Variants in PDE11A observed in about 807,000 individuals in gnomAD.
PDE11A encodes phosphodiesterase 11A.
In PDE11A, 100 loss-of-function variants were observed where a neutral mutation model predicts 100.5. The ratio of observed to expected loss-of-function variants is 1.00; its 90% CI spans 0.85 to 1.18. The LOEUF (loss-of-function observed/expected upper bound fraction) is 1.18, where lower values mean the gene tolerates loss of function less well. Among genes scored for constraint, PDE11A ranks in the 50% most tolerant of loss-of-function variants. The probability of loss-of-function intolerance (pLI) is 0.00; values close to 1 mark genes in which losing one functional copy is unlikely to be tolerated. For missense variants in PDE11A, 1,141 were observed against 1,152.6 expected, an observed-to-expected ratio of 0.99 and a Z score of 0.15; for synonymous variants, 381 against 420.8, an observed-to-expected ratio of 0.91 and a Z score of 1.16.
intron 19 of PDE11A, among the ~76,000 whole-genome samples, chr2:177,637,638 G>T (rs2080060783): frequency 6.7e-6 from 1 of 149,856 alleles, no homozygotes. Flanking sequence ...TGTGTCTTCT[G>T]CTTGGCTTCA....
chr2:178,060,172 G>A (rs2086950259), intron 1 of PDE11A, among the ~76,000 whole-genome samples: 1 of 152,134 alleles, frequency 6.6e-6, no homozygotes, highest in African/African-American at 2.4e-5. Context: ...TCTTGGAGGA[G>A]AGCCATCTAT....
intron 5 of PDE11A, among the ~76,000 whole-genome samples, chr2:177,861,772 T>C (rs755245976): frequency 2.6e-5 from 4 of 151,924 alleles, no homozygotes; most frequent in African/African-American, 7.2e-5. Flanking sequence ...TATATATCTA[T>C]GGTCAATTGA....
At chr2:177,840,993 A>G (rs1422507443) in intron 5 of PDE11A, among the ~76,000 whole-genome samples, 1 of 152,224 alleles carries the variant, frequency 6.6e-6, no homozygotes, top group Non-Finnish European at 1.5e-5. Flanking sequence ...ACAATAGCCC[A>G]TATACCACTT....
At chr2:177,894,156 G>A (rs569281206) in intron 4 of PDE11A, among the ~76,000 whole-genome samples, 1 of 152,228 alleles carries the variant, frequency 6.6e-6, no homozygotes, top group African/African-American at 2.4e-5. Flanking sequence ...AATTTCTACT[G>A]TACAACTTGG....
At position 177,628,880 on chromosome 2, in the gene PDE11A, T is replaced by C. The variant is rs2079874328; in HGVS notation, c.*527A>G. ...AGTTTACCTTTTAGGTAGGCAATTC[T>C]AAAGGATCCATCAATAAGAAGCTCT... On this transcript the variant is annotated 3_prime_UTR_variant, in exon 20 of 20. Coordinates refer to ENST00000286063, the MANE Select transcript of PDE11A (RefSeq NM_016953.4). 5.6e-6 allele frequency: 1 copy of C among 177,852 alleles called. No individual in the cohort carries two copies. The allele number at this position is 177,852 out of a possible 1,614,324, so 11.0% of individuals were successfully genotyped here.
At chr2:177,926,692 G>A (rs1430985326) in intron 2 of PDE11A, among the ~76,000 whole-genome samples, 1 of 152,128 alleles carries the variant, frequency 6.6e-6, no homozygotes, top group Non-Finnish European at 1.5e-5. Flanking sequence ...TATTGATTTT[G>A]CTTAAGTCCA....
intron 2 of PDE11A, among the ~76,000 whole-genome samples, chr2:178,089,814 G>A (rs191480477): frequency 5.3e-5 from 8 of 152,260 alleles, no homozygotes; most frequent in Admixed American, 4.6e-4. Context: ...AAGCCTGTGA[G>A]GGTAAACTGG....
At chr2:178,107,880 C>A (rs984663390) in intron 1 of PDE11A, among the ~76,000 whole-genome samples, 1 of 151,964 alleles carries the variant, frequency 6.6e-6, no homozygotes, top group Non-Finnish European at 1.5e-5. Context: ...CACCACTATG[C>A]CTGGATAATT....
At chr2:177,799,420 T>C (rs1001783109) in intron 9 of PDE11A, among the ~76,000 whole-genome samples, 1 of 152,190 alleles carries the variant, frequency 6.6e-6, no homozygotes, top group Non-Finnish European at 1.5e-5. Context: ...CTCTGTACTA[T>C]CTTCCCAATT....
At chr2:178,091,037 T>G (rs2087416336) in intron 2 of PDE11A, among the ~76,000 whole-genome samples, 1 of 152,176 alleles carries the variant, frequency 6.6e-6, no homozygotes, top group Admixed American at 6.6e-5. Flanking sequence ...TGTTAGGACA[T>G]CTTCATAGAA....
At chr2:178,099,081 T>C (rs1465964518) in intron 2 of PDE11A, among the ~76,000 whole-genome samples, 1 of 152,228 alleles carries the variant, frequency 6.6e-6, no homozygotes, top group Non-Finnish European at 1.5e-5. Flanking sequence ...CAATGCACTA[T>C]AAAGACATTA....
intron 15 of PDE11A, 91 bp downstream of exon 15, chr2:177,697,241 C>T: frequency 1.3e-6 from 1 of 765,444 alleles, no homozygotes. Context: ...GATATCAATG[C>T]TAGAATAACA....
chr2:177,744,242 T>A (rs912868197), intron 10 of PDE11A, among the ~76,000 whole-genome samples: 7 of 152,030 alleles, frequency 4.6e-5, no homozygotes, highest in African/African-American at 7.2e-5. Context: ...ATAAGAGACA[T>A]GCTCTAGTGA....
At chr2:177,994,897 GA>G (rs561344860) in intron 2 of PDE11A, among the ~76,000 whole-genome samples, 222 of 142,562 alleles carry the variant, frequency 1.6e-3, no homozygotes, top group African/African-American at 2.9e-3. Flanking sequence ...TCTTGCAAAA[GA>G]AAAAAAAAAC....
intron 2 of PDE11A, chr2:177,998,061 C>A (rs6752913): frequency 2.3e-6 from 3 of 1,295,346 alleles, no homozygotes; most frequent in Non-Finnish European, 3.4e-6. Context: ...ACTGTAAGAG[C>A]CTGCCCACAC....
chr2:178,076,880 C>G (rs1209976867), upstream of PDE11A, among the ~76,000 whole-genome samples: 3 of 152,178 alleles, frequency 2.0e-5, no homozygotes, highest in African/African-American at 4.8e-5. Context: ...TATCTAGGGC[C>G]TCAGTGCTGA....
intron 10 of PDE11A, among the ~76,000 whole-genome samples, chr2:177,764,180 C>A (rs1184399674): frequency 6.6e-6 from 1 of 152,094 alleles, no homozygotes; most frequent in African/African-American, 2.4e-5. Flanking sequence ...CAAGGAGTAC[C>A]TATTCTTGGT....
At chr2:177,686,697 A>ATTTTTTTTTT (rs202225715) in intron 15 of PDE11A, 14 of 124,064 alleles carry the variant, frequency 1.1e-4, no homozygotes, top group African/African-American at 4.2e-4. Flanking sequence ...GTACATGTAA[A>ATTTTTTTTTT]TTTTTTTTTT....
At chr2:177,998,040 C>A in intron 2 of PDE11A, 1 of 1,257,326 alleles carries the variant, frequency 8.0e-7, no homozygotes, top group Admixed American at 1.7e-5. Context: ...AGGGTACTGC[C>A]TGCTGAGTGC....
Sources: gnomAD v4.1 joint callset for allele counts (sites outside exome capture counted in the v4.1 genomes callset) on GRCh38, gnomAD v4.1.1 for gene constraint, MANE v1.5 for transcripts, NCBI Gene and HGNC (gene_info 2026-07-23, HGNC 2026-07-21) for gene names.